The following NAV2 variants were observed in gnomAD, a reference collection of about 807,000 sequenced individuals.
NAV2 encodes neuron navigator 2, also known as helicase, APC down-regulated 1.
A neutral mutation model predicts 223.2 loss-of-function variants in NAV2; 54 were observed. The ratio of observed to expected loss-of-function variants is 0.24; its 90% CI spans 0.19 to 0.30. The LOEUF is 0.30. NAV2 is among the 10% of genes least tolerant of loss of function. The pLI is 1.00. For synonymous variants in NAV2, 1,279 were observed against 1,239.3 expected (o/e 1.03, Z -0.67); for missense variants, 2,806 against 3,147.5 (o/e 0.89, Z 2.60).
intron 1 of NAV2, among the ~76,000 whole-genome samples, chr11:19,741,014 C>T (rs910373188): frequency 1.3e-5 from 2 of 152,190 alleles, no homozygotes; most frequent in African/African-American, 4.8e-5. Context: ...GAGATTGTAG[C>T]AAGAGATCAA....
At chr11:19,959,649 G>C (rs185178175) in intron 10 of NAV2, among the ~76,000 whole-genome samples, 1 of 152,120 alleles carries the variant, frequency 6.6e-6, no homozygotes, top group African/African-American at 2.4e-5. Context: ...TCAGCGCATC[G>C]TGCAGGATAA....
intron 34 of NAV2, chr11:20,104,475 T>A (rs10833244): frequency 0.87 from 132,246 of 152,306 alleles, 58,299 homozygotes; most frequent in East Asian, 0.95. Context: ...AGTGGGTCTG[T>A]ATGTAATTAC....
intron 1 of NAV2, among the ~76,000 whole-genome samples, chr11:19,625,501 C>T (rs1385198200): frequency 6.6e-6 from 1 of 152,130 alleles, no homozygotes; most frequent in East Asian, 1.9e-4. Flanking sequence ...ATGGACTGTG[C>T]TGCAATAAAC....
intron 1 of NAV2, among the ~76,000 whole-genome samples, chr11:19,453,882 C>G (rs1462070424): frequency 6.6e-6 from 1 of 152,242 alleles, no homozygotes; most frequent in Non-Finnish European, 1.5e-5. Context: ...CTTCCTGTCA[C>G]TATTGTGCCT....
At chr11:19,371,416 CAA>C (rs1848465299) in intron 1 of NAV2, among the ~76,000 whole-genome samples, 1 of 151,934 alleles carries the variant, frequency 6.6e-6, no homozygotes, top group Non-Finnish European at 1.5e-5. Flanking sequence ...AACTCTAACC[CAA>C]AAAAGGGAAG....
intron 1 of NAV2, among the ~76,000 whole-genome samples, chr11:19,398,650 G>T (rs891573183): frequency 5.9e-5 from 9 of 152,064 alleles, no homozygotes; most frequent in Admixed American, 3.3e-4. Context: ...CCAACCTTCT[G>T]GGTGTCCTTC....
chr11:19,506,928 C>T (rs1231485742), intron 1 of NAV2: 1 of 152,162 alleles, frequency 6.6e-6, no homozygotes, highest in Non-Finnish European at 1.5e-5. Flanking sequence ...GAATCAAGCA[C>T]AGGGCCCTCC....
rs1258904719 is a variant in NAV2 at position 19,879,922 on chromosome 11, C to G, written c.565C>G (p.Arg189Gly). 6.2e-7 allele frequency: 1 copy of G among 1,613,624 alleles called. No homozygotes were observed. The highest frequency in any genetic ancestry group is 8.5e-7 in the Non-Finnish European group (1 of 1,180,034). ...AILGLFFSLSRYKQQQQQPQK... is the reference protein window; with the variant it reads ...AILGLFFSLSGYKQQQQQPQK... ...TCTAGGCCTCTTCTTCAGCCTCTCC[C>G]GATACAAGCAGCAGCAGCAGCAGCC... Residue 189 changes from arginine to glycine, a missense_variant, in exon 5 of 38, where the codon CGA becomes GGA. Physicochemically the swap from Arg to Gly is moderately radical, Grantham distance 125. This residue lies in a region of NAV2 where 1,167 missense variants were observed against 1,180.5 expected (regional missense o/e 0.99). Transcript: ENST00000349880.
At chr11:19,699,256 C>T (rs1466752573) in intron 1 of NAV2, among the ~76,000 whole-genome samples, 3 of 152,222 alleles carry the variant, frequency 2.0e-5, no homozygotes, top group East Asian at 3.8e-4. Flanking sequence ...GGGCAAATTA[C>T]CACTTGTGTA....
chr11:20,027,291 C>T lies in NAV2; in HGVS notation c.2769-8668C>T, dbSNP rs748410380. ...CTCACTCATCCACACCAAAGGATCT[C>T]GTTCCGCTCGGGCCCCGGGGTTTCA... On this transcript the variant is annotated intron_variant, in intron 11 of 37. Coordinates refer to ENST00000349880, the MANE Select transcript of NAV2 (RefSeq NM_145117.5). 244 of 982,122 alleles carry T rather than the reference C, an allele frequency of 2.5e-4. 1 individual carries two copies. The highest frequency in any genetic ancestry group is 5.2e-4 in the Middle Eastern group (1 of 1,920). The allele number at this position is 982,122 out of a possible 1,614,324, so 60.8% of individuals were successfully genotyped here. A position where few individuals can be genotyped will look rare whatever the true frequency, so the allele number is the denominator to read the frequency against.
rs112504639 is a variant in NAV2, at chr11:19,553,509, C to CCACACACA, written c.75+202488_75+202495dup. Among the ~76,000 whole-genome samples the CCACACACA allele has an allele frequency of 9.2e-3, 1,386 of 151,240 alleles. 14 individuals carry two copies. The highest frequency in any genetic ancestry group is 0.029 in the African/African-American group (1,170 of 41,050). The stretch of plus-strand genomic sequence containing the variant: ...GAGCACCAATATACAGTAATGCAGA[C>CCACACACA]CACACACACACACCTCTCTCCCCTC... On this transcript the variant is annotated intron_variant, in intron 1 of 37. Coordinates refer to the NAV2 transcript ENST00000360655.
rs183100857 is a variant in NAV2 at position 19,881,039 on chromosome 11, G to A, written c.770+912G>A. Among the ~76,000 whole-genome samples the A allele has an allele frequency of 8.5e-5, 13 of 152,166 alleles. No homozygotes were observed. The East Asian group carries it at 2.3e-3, about 27-fold the overall frequency. ...GGCCTTTTCTTTTCATTCCCCCAAA[G>A]CACCAGCATTAATAATCATAAGGCT... On this transcript the variant is annotated intron_variant, in intron 5 of 37. Transcript: ENST00000349880.
intron 1 of NAV2, among the ~76,000 whole-genome samples, chr11:19,595,879 G>A (rs1430556125): frequency 1.3e-5 from 2 of 152,118 alleles, no homozygotes; most frequent in East Asian, 1.9e-4. Context: ...GCATTCTTTC[G>A]AGAAGTTTTG....
chr11:19,574,200 G>A (rs1011627764), intron 1 of NAV2, among the ~76,000 whole-genome samples: 4 of 152,192 alleles, frequency 2.6e-5, no homozygotes, highest in Non-Finnish European at 5.9e-5. Context: ...CAAAATGGGA[G>A]CAGTAATCAT....
intron 1 of NAV2, among the ~76,000 whole-genome samples, chr11:19,785,799 A>G (rs1375774690): frequency 2.0e-5 from 3 of 152,184 alleles, no homozygotes; most frequent in Admixed American, 6.5e-5. Flanking sequence ...GTACTATTCC[A>G]GATTTAAGTA....
intron 1 of NAV2, among the ~76,000 whole-genome samples, chr11:19,574,460 G>T (rs1055691667): frequency 6.6e-6 from 1 of 152,092 alleles, no homozygotes; most frequent in Non-Finnish European, 1.5e-5. Flanking sequence ...TGTTGTCCCT[G>T]GGGCTCCAAC....
At chr11:19,823,933 G>T (rs985435982) in intron 1 of NAV2, among the ~76,000 whole-genome samples, 1 of 151,896 alleles carries the variant, frequency 6.6e-6, no homozygotes, top group South Asian at 2.1e-4. Flanking sequence ...GACAAGAAAA[G>T]AAAAGAAAAA....
chr11:19,411,821 C>G (rs1850158582), intron 1 of NAV2, among the ~76,000 whole-genome samples: 1 of 152,094 alleles, frequency 6.6e-6, no homozygotes, highest in Non-Finnish European at 1.5e-5. Context: ...CCCCATGACC[C>G]CTGGAAACAC....
At chr11:19,764,248 A>G (rs2055019815) in intron 1 of NAV2, among the ~76,000 whole-genome samples, 1 of 152,226 alleles carries the variant, frequency 6.6e-6, no homozygotes, top group Non-Finnish European at 1.5e-5. Flanking sequence ...TTTAACTGAT[A>G]AGCATGCATT....
Sources: gnomAD v4.1 joint callset for allele counts (sites outside exome capture counted in the v4.1 genomes callset) on GRCh38, gnomAD v4.1.1 for gene constraint, gnomAD v4.1.1 regional missense constraint, MANE v1.5 for transcripts, NCBI Gene and HGNC (gene_info 2026-07-23, HGNC 2026-07-21) for gene names.